Variants in PDE10A observed in about 807,000 individuals in gnomAD.
PDE10A encodes phosphodiesterase 10A.
Under a neutral mutation model 97.7 loss-of-function variants are expected in PDE10A, and 39 were observed. That is an observed-to-expected ratio of 0.40 (90% CI 0.31 to 0.52). The LOEUF is 0.52. Among genes scored for constraint, PDE10A ranks in the 20% least tolerant of loss-of-function variants. PDE10A has a pLI of 0.56. For missense variants in PDE10A, 731 were observed against 1,047.8 expected, an observed-to-expected ratio of 0.70 and a Z score of 4.17; for synonymous variants, 371 against 376.8, an observed-to-expected ratio of 0.98 and a Z score of 0.18.
rs150399760 is a variant in PDE10A at position 165,609,168 on chromosome 6, C to T, written c.865+52779G>A. On this transcript the variant is annotated intron_variant, in intron 1 of 21. Transcript: ENST00000539869. The stretch of plus-strand genomic sequence containing the variant: ...TTGCCATTGCTTTTGGTGTTTTAGA[C>T]ATGAAATCCTTGCCCATGCCTATGT... Among the ~76,000 whole-genome samples, 1,349 of 152,238 alleles carry T rather than the reference C, an allele frequency of 8.9e-3. 21 individuals are homozygous for T. The highest frequency in any genetic ancestry group is 0.031 in the African/African-American group (1,300 of 41,548).
chr6:165,909,629 AATTGC>A (rs1782399216), intron 1 of PDE10A, among the ~76,000 whole-genome samples: 1 of 152,198 alleles, frequency 6.6e-6, no homozygotes, highest in Non-Finnish European at 1.5e-5. Flanking sequence ...TCAGAAAGCG[AATTGC>A]TCCTCCCCGG....
At chr6:165,513,001 G>C (rs1335050106) in intron 2 of PDE10A, among the ~76,000 whole-genome samples, 1 of 151,752 alleles carries the variant, frequency 6.6e-6, no homozygotes, top group African/African-American at 2.4e-5. Context: ...TAAAAAAATG[G>C]GTTGTCTTAT....
chr6:165,717,724 G>A (rs2128447679), intron 1 of PDE10A, among the ~76,000 whole-genome samples: 1 of 152,300 alleles, frequency 6.6e-6, no homozygotes, highest in African/African-American at 2.4e-5. Context: ...TCCTGCGATG[G>A]TTGCACTGTT....
At chr6:165,664,566 G>C (rs1790448096), upstream of PDE10A, among the ~76,000 whole-genome samples, 1 of 152,136 alleles carries the variant, frequency 6.6e-6, no homozygotes, top group Admixed American at 6.5e-5. Context: ...TGATTCCTGT[G>C]ACTCTTACCT....
intron 1 of PDE10A, among the ~76,000 whole-genome samples, chr6:165,955,707 A>C (rs548938912): frequency 1.3e-5 from 2 of 152,368 alleles, no homozygotes; most frequent in South Asian, 4.1e-4. Flanking sequence ...TTGACAAGAA[A>C]AAAACAACTA....
chr6:165,937,818 A>G (rs567886227), intron 1 of PDE10A, among the ~76,000 whole-genome samples: 9 of 152,310 alleles, frequency 5.9e-5, no homozygotes, highest in Admixed American at 2.6e-4. Context: ...ACAGGAGACA[A>G]TTAAGGACCT....
At chr6:165,742,202 G>A (rs146274358) in intron 1 of PDE10A, among the ~76,000 whole-genome samples, 11 of 152,240 alleles carry the variant, frequency 7.2e-5, no homozygotes, top group East Asian at 1.9e-4. Context: ...TAGTCTGTGC[G>A]CCTTCAAAAT....
chr6:165,898,714 C>A (rs1046797809), intron 1 of PDE10A, among the ~76,000 whole-genome samples: 1 of 152,154 alleles, frequency 6.6e-6, no homozygotes, highest in Admixed American at 6.5e-5. Context: ...GCACCCACTC[C>A]CAGACTCAGC....
intron 1 of PDE10A, among the ~76,000 whole-genome samples, chr6:165,820,014 G>A (rs1562752825): frequency 3.9e-5 from 6 of 152,158 alleles, no homozygotes; most frequent in Admixed American, 2.6e-4. Context: ...TTTTAAAAAT[G>A]AAATATATTT....
intron 1 of PDE10A, among the ~76,000 whole-genome samples, chr6:165,634,773 A>C (rs1266731901): frequency 6.6e-6 from 1 of 152,170 alleles, no homozygotes; most frequent in Non-Finnish European, 1.5e-5. Context: ...GTTCTGGAAA[A>C]ACAGAACGGT....
intron 1 of PDE10A, among the ~76,000 whole-genome samples, chr6:165,954,240 A>T (rs1784061095): frequency 6.6e-6 from 1 of 152,250 alleles, no homozygotes; most frequent in Admixed American, 6.5e-5. Flanking sequence ...GTATGGAAAG[A>T]TGAAAATTTT....
At chr6:165,907,802 T>C (rs1430238934) in intron 1 of PDE10A, among the ~76,000 whole-genome samples, 1 of 148,892 alleles carries the variant, frequency 6.7e-6, no homozygotes, top group Non-Finnish European at 1.5e-5. Context: ...CAGAGCAGCA[T>C]GGGTGAGGGC....
intron 1 of PDE10A, among the ~76,000 whole-genome samples, chr6:165,777,748 T>C (rs1021337934): frequency 3.9e-5 from 6 of 152,102 alleles, no homozygotes; most frequent in African/African-American, 1.2e-4. Context: ...ACAATCTACA[T>C]CTAACACACA....
At chr6:165,751,439 G>A (rs1792998644) in intron 1 of PDE10A, among the ~76,000 whole-genome samples, 1 of 152,172 alleles carries the variant, frequency 6.6e-6, no homozygotes, top group Non-Finnish European at 1.5e-5. Context: ...TTTGAGATGA[G>A]GCCATGAAGG....
intron 1 of PDE10A, among the ~76,000 whole-genome samples, chr6:165,554,855 G>C (rs542231298): frequency 6.6e-6 from 1 of 152,250 alleles, no homozygotes; most frequent in African/African-American, 2.4e-5. Context: ...AGGAGATATT[G>C]TCTTTTGCAA....
intron 1 of PDE10A, among the ~76,000 whole-genome samples, chr6:165,570,753 C>G (rs1175647731): frequency 6.6e-6 from 1 of 152,174 alleles, no homozygotes; most frequent in African/African-American, 2.4e-5. Context: ...ATCATCTTAT[C>G]CTCAGTGCTA....
At chr6:165,816,290 C>T (rs1469143547) in intron 1 of PDE10A, among the ~76,000 whole-genome samples, 1 of 152,202 alleles carries the variant, frequency 6.6e-6, no homozygotes, top group Non-Finnish European at 1.5e-5. Flanking sequence ...CAGATAATAA[C>T]CAACTCCTGA....
chr6:165,592,386 C>T lies in PDE10A; in HGVS notation c.866-48818G>A, dbSNP rs577012047. ...TAGGCAATACCATTCAGGACATAGG[C>T]ATAAGCTAAGACTTCATGATTAAAA... is the stretch of plus-strand genomic sequence containing the variant. On this transcript the variant is annotated intron_variant, in intron 1 of 21. Transcript: ENST00000539869. Among the ~76,000 whole-genome samples, 4 of 152,304 alleles carry T rather than the reference C, an allele frequency of 2.6e-5. No individual in the cohort carries two copies. The South Asian group carries it at 6.2e-4, about 24-fold the overall frequency.
At chr6:165,358,649 T>A (rs529674522) in intron 18 of PDE10A, among the ~76,000 whole-genome samples, 3 of 151,994 alleles carry the variant, frequency 2.0e-5, no homozygotes, top group Non-Finnish European at 2.9e-5. Flanking sequence ...TTCTGGCTAA[T>A]TCAGATATTC....
Sources: gnomAD v4.1 joint callset for allele counts (sites outside exome capture counted in the v4.1 genomes callset) on GRCh38, gnomAD v4.1.1 for gene constraint, MANE v1.5 for transcripts, NCBI Gene and HGNC (gene_info 2026-07-23, HGNC 2026-07-21) for gene names.